METTL22: variants seen among roughly 807,000 people sequenced by gnomAD.
METTL22 encodes the protein methyltransferase-like protein 22.
METTL22 carries 51 observed loss-of-function variants against 48.4 expected under a neutral mutation model. That is an observed-to-expected ratio of 1.05 (90% CI 0.84 to 1.33). The LOEUF is 1.33. Ranked by LOEUF, METTL22 falls within the 40% of genes most tolerant of loss-of-function variation. METTL22 has a pLI of 0.00. For missense variants in METTL22, 678 were observed against 526.9 expected (o/e 1.29, Z -2.81); for synonymous variants, 255 against 214.1 (o/e 1.19, Z -1.67).
the METTL22 span, among the ~76,000 whole-genome samples, chr16:8,654,760 A>T: frequency 2.0e-5 from 3 of 152,226 alleles, no homozygotes. Context: ...ACTGAGCCTC[A>T]GAATGCATAG....
chr16:8,635,718 A>C (rs1279616914), intron 5 of METTL22, among the ~76,000 whole-genome samples: 1 of 152,256 alleles, frequency 6.6e-6, no homozygotes, highest in Non-Finnish European at 1.5e-5. Context: ...TTTTTAAAAC[A>C]GTACATAAAA....
downstream of METTL22, among the ~76,000 whole-genome samples, chr16:8,652,981 C>T (rs2056920644): frequency 6.6e-6 from 1 of 152,190 alleles, no homozygotes; most frequent in Non-Finnish European, 1.5e-5. Flanking sequence ...TAAATGTGCT[C>T]TTAGATTAAA....
chr16:8,633,980 G>A (rs2056347299), intron 3 of METTL22, among the ~76,000 whole-genome samples: 1 of 152,218 alleles, frequency 6.6e-6, no homozygotes, highest in Non-Finnish European at 1.5e-5. Flanking sequence ...TGGTTCGGCA[G>A]GTGTATTTCT....
At chr16:8,629,412 C>T (rs1383956142) in intron 3 of METTL22, among the ~76,000 whole-genome samples, 1 of 152,208 alleles carries the variant, frequency 6.6e-6, no homozygotes, top group Non-Finnish European at 1.5e-5. Flanking sequence ...CTCAGCCACA[C>T]CTCCTCCAGG....
At chr16:8,662,507 T>C in the METTL22 span, among the ~76,000 whole-genome samples, 4 of 144,426 alleles carry the variant, frequency 2.8e-5, 1 homozygote, top group Non-Finnish European at 6.1e-5. Flanking sequence ...GTTAGAGCCA[T>C]GTGGGAGCGT....
downstream of METTL22, among the ~76,000 whole-genome samples, chr16:8,653,160 A>C (rs1211646447): frequency 6.6e-6 from 1 of 152,208 alleles, no homozygotes; most frequent in South Asian, 2.1e-4. Flanking sequence ...AGTGTGGTAC[A>C]GTGGCCCCAA....
At chr16:8,644,348 T>C in intron 9 of METTL22, 1 of 462,938 alleles carries the variant, frequency 2.2e-6, no homozygotes, top group Non-Finnish European at 3.9e-6. Flanking sequence ...TTTCCACATC[T>C]GTAAAGTGCT....
In METTL22 at chr16:8,649,095, T is replaced by G. The variant is rs2056853539; in HGVS notation, c.*2952T>G. The G allele has an allele frequency of 6.6e-6, 1 of 152,240 alleles. No homozygotes were observed. The highest frequency in any genetic ancestry group is 2.4e-5 in the African/African-American group (1 of 41,458). 9.4% of individuals were successfully genotyped at this position (152,240 alleles called of 1,614,324 possible). On this transcript the variant is annotated 3_prime_UTR_variant, in exon 11 of 11. Transcript: ENST00000381920. ...AATGGTGACAATTTCCTAGCACTCC[T>G]GGGTACAAGTCCATAAATGTAATTG...
At chr16:8,626,889 C>T (rs1451790587) in intron 2 of METTL22, among the ~76,000 whole-genome samples, 1 of 151,120 alleles carries the variant, frequency 6.6e-6, no homozygotes, top group Non-Finnish European at 1.5e-5. Flanking sequence ...GCCTCAGCCT[C>T]CCAAGTAGCT....
intron 7 of METTL22, chr16:8,641,816 C>T (rs1227729593): frequency 1.0e-5 from 5 of 495,770 alleles, no homozygotes; most frequent in Non-Finnish European, 1.1e-5. Flanking sequence ...CTGGGCCACC[C>T]AGCAGGCAGA....
chr16:8,640,893 A>ATGG (rs1567241163), intron 6 of METTL22, among the ~76,000 whole-genome samples: 174 of 12,920 alleles, frequency 0.013, 13 homozygotes, highest in African/African-American at 0.039. Flanking sequence ...TGGGTGGGTG[A>ATGG]ATGGATGGAT....
In METTL22 at chr16:8,624,852, CT is replaced by C. The variant is rs2055990482; in HGVS notation, c.-170-643del. Among the ~76,000 whole-genome samples the C allele has an allele frequency of 2.0e-5, 3 of 152,200 alleles. No individual in the cohort carries two copies. The South Asian group carries it at 6.2e-4, about 32-fold the overall frequency. ...CCAGCCTGGGCAACAGAGCAAGCCC[CT>C]GTCTGTAAAAAGAAATGTTTAAAAA... On this transcript the variant is annotated intron_variant, in intron 1 of 10. Transcript: ENST00000381920.
chr16:8,653,499 G>A (rs1157691509), downstream of METTL22, among the ~76,000 whole-genome samples: 1 of 152,098 alleles, frequency 6.6e-6, no homozygotes, highest in East Asian at 1.9e-4. Context: ...GAATGGAAAG[G>A]GTATAAAACA....
the METTL22 span, among the ~76,000 whole-genome samples, chr16:8,657,176 G>C: frequency 6.6e-6 from 1 of 152,128 alleles, no homozygotes; most frequent in Non-Finnish European, 1.5e-5. Flanking sequence ...AGGGAGGATC[G>C]ATGTCATTAC....
chr16:8,629,831 A>G (rs1474001991), intron 3 of METTL22, among the ~76,000 whole-genome samples: 1 of 152,140 alleles, frequency 6.6e-6, no homozygotes, highest in Non-Finnish European at 1.5e-5. Context: ...CCAGGAAGTG[A>G]TCGGTCCTGG....
intron 2 of METTL22, among the ~76,000 whole-genome samples, chr16:8,626,251 G>T (rs1370558802): frequency 6.6e-6 from 1 of 152,100 alleles, no homozygotes; most frequent in East Asian, 1.9e-4. Context: ...AGCCTCTTGA[G>T]TCCCTGGGAT....
At chr16:8,651,285 G>A (rs182338079), downstream of METTL22, among the ~76,000 whole-genome samples, 61 of 148,034 alleles carry the variant, frequency 4.1e-4, 1 homozygote, top group Non-Finnish European at 5.5e-4. Context: ...TATTCGGGAG[G>A]CTAAGGCAGT....
chr16:8,662,010 G>A, the METTL22 span, among the ~76,000 whole-genome samples: 1 of 145,672 alleles, frequency 6.9e-6, no homozygotes, highest in African/African-American at 2.6e-5. Flanking sequence ...TTGAGAGACA[G>A]AGGTGGGAAG....
chr16:8,642,078 G>T, intron 7 of METTL22, 49 bp from the exon 8 acceptor site: 1 of 1,432,666 alleles, frequency 7.0e-7, no homozygotes, highest in South Asian at 1.1e-5. Context: ...AGAGTTGGTG[G>T]CCAGGAGAGA....
Sources: gnomAD v4.1 joint callset for allele counts (sites outside exome capture counted in the v4.1 genomes callset) on GRCh38, gnomAD v4.1.1 for gene constraint, MANE v1.5 for transcripts, NCBI Gene and HGNC (gene_info 2026-07-23, HGNC 2026-07-21) for gene names.